LRP6: variants seen among roughly 807,000 people sequenced by gnomAD.
The protein encoded by LRP6 is low-density lipoprotein receptor-related protein 6.
In LRP6, 43 loss-of-function variants were observed where a neutral mutation model predicts 184.1. The observed-to-expected ratio is 0.23, with a 90% confidence interval of 0.18 to 0.30. The LOEUF (loss-of-function observed/expected upper bound fraction) is 0.30, where lower values mean the gene tolerates loss of function less well. Among genes scored for constraint, LRP6 ranks in the 10% least tolerant of loss-of-function variants. The pLI is 1.00. For synonymous variants in LRP6, 719 were observed against 684.9 expected, an observed-to-expected ratio of 1.05 and a Z score of -0.78; for missense variants, 1,571 against 2,005.3, an observed-to-expected ratio of 0.78 and a Z score of 4.14.
chr12:12,262,170 G>A (rs1311670187), intron 1 of LRP6, among the ~76,000 whole-genome samples: 1 of 152,166 alleles, frequency 6.6e-6, no homozygotes, highest in East Asian at 1.9e-4. Flanking sequence ...CTTGAGGTCA[G>A]GAGTTCAAGA....
intron 2 of LRP6, among the ~76,000 whole-genome samples, chr12:12,210,540 G>A (rs1864182249): frequency 6.6e-6 from 1 of 152,172 alleles, no homozygotes; most frequent in Non-Finnish European, 1.5e-5. Context: ...AACAGTCAAA[G>A]AAGTTGGTCT....
At chr12:12,144,563 C>T (rs1949976345) in intron 15 of LRP6, among the ~76,000 whole-genome samples, 1 of 152,158 alleles carries the variant, frequency 6.6e-6, no homozygotes, top group African/African-American at 2.4e-5. Context: ...ACTGTTTGAG[C>T]TAGGGAGTTT....
rs1865786419 is a variant in LRP6 at position 12,266,933 on chromosome 12, G to A, written c.-198C>T. On this transcript the variant is annotated 5_prime_UTR_variant, in exon 1 of 23. Coordinates refer to ENST00000261349, the MANE Select transcript of LRP6 (RefSeq NM_002336.3). ...TCTCTACCGCGCCGCTCGGCCCCGG[G>A]CTCGCGCGACGCCAGCGTCTGCTTC... The A allele has an allele frequency of 1.2e-5, 7 of 587,394 alleles. No homozygotes were observed. The highest frequency in any genetic ancestry group is 9.7e-5 in the Admixed American group (3 of 31,010). The allele number at this position is 587,394 out of a possible 1,614,324, so 36.4% of individuals were successfully genotyped here.
chr12:12,172,476 TGACAA>T (rs1255067070), intron 7 of LRP6, among the ~76,000 whole-genome samples: 2 of 152,176 alleles, frequency 1.3e-5, no homozygotes, highest in Non-Finnish European at 2.9e-5. Context: ...CAACTTCACT[TGACAA>T]GACAAGTTCA....
intron 2 of LRP6, among the ~76,000 whole-genome samples, chr12:12,235,598 C>A (rs888144276): frequency 6.6e-6 from 1 of 151,942 alleles, no homozygotes; most frequent in Non-Finnish European, 1.5e-5. Flanking sequence ...GGCATAGTGG[C>A]GCATGCCTGT....
At chr12:12,242,553 C>T (rs1865093547) in intron 2 of LRP6, among the ~76,000 whole-genome samples, 1 of 152,156 alleles carries the variant, frequency 6.6e-6, no homozygotes, top group Admixed American at 6.6e-5. Context: ...CCCTCTGAGC[C>T]TTACAAACTC....
At chr12:12,176,996 C>T (rs1863204782) in intron 7 of LRP6, among the ~76,000 whole-genome samples, 3 of 151,698 alleles carry the variant, frequency 2.0e-5, no homozygotes, top group Admixed American at 1.3e-4. Flanking sequence ...TACAGGTGCC[C>T]GCCACCACGC....
At chr12:12,242,409 G>C (rs1865089769) in intron 2 of LRP6, among the ~76,000 whole-genome samples, 1 of 152,134 alleles carries the variant, frequency 6.6e-6, no homozygotes. Context: ...CCTTACAGTG[G>C]TAAAATTGAA....
intron 1 of LRP6, among the ~76,000 whole-genome samples, chr12:12,254,499 G>C (rs1018912989): frequency 1.3e-5 from 2 of 152,098 alleles, no homozygotes; most frequent in Admixed American, 6.5e-5. Context: ...CTATGTTTTT[G>C]TAAACCGAAA....
chr12:12,138,635 A>T, intron 15 of LRP6, 101 bp from the exon 16 acceptor site: 1 of 1,312,858 alleles, frequency 7.6e-7, no homozygotes, highest in South Asian at 1.3e-5. Context: ...AGGTAGAGAA[A>T]AGAAAAAAAA....
rs770395806 is a variant in LRP6, at chr12:12,132,043, A to C, written c.3748T>G (p.Ser1250Ala). 11 of 1,613,382 alleles carry C rather than the reference A, an allele frequency of 6.8e-6. No individual in the cohort carries two copies. Among genetic ancestry groups the C allele is most frequent in the Non-Finnish European group, 6.8e-6 (8 of 1,179,390 alleles). ...GTGAAACAAGTAAACTGCTGAGGAG[A>C]ACATGTTGGAGGTTCTTCAAATGAA... The part of the protein sequence containing the change: ...ELSCGEPPTC[S>A]PQQFTCFTGE... Residue 1250 changes from serine to alanine, a missense_variant, in exon 18 of 23, where the codon TCT becomes GCT. This residue lies in a region of LRP6 where 763 missense variants were observed against 859.5 expected (regional missense o/e 0.89). Transcript: ENST00000261349.
At chr12:12,124,072 T>TA (rs35441977) in intron 22 of LRP6, among the ~76,000 whole-genome samples, 18,816 of 143,702 alleles carry the variant, frequency 0.13, 1,372 homozygotes, top group Middle Eastern at 0.24. Context: ...GTGACTCTCT[T>TA]AAAAAAAAAA....
intron 3 of LRP6, among the ~76,000 whole-genome samples, chr12:12,195,864 G>A (rs1292299602): frequency 6.6e-6 from 1 of 152,084 alleles, no homozygotes; most frequent in Non-Finnish European, 1.5e-5. Flanking sequence ...GTTGATTTTT[G>A]TATAAGGTGA....
chr12:12,211,478 G>A (rs1429671919), intron 2 of LRP6, among the ~76,000 whole-genome samples: 1 of 152,164 alleles, frequency 6.6e-6, no homozygotes, highest in Non-Finnish European at 1.5e-5. Flanking sequence ...AGATAGACAT[G>A]GTTTGGGACG....
chr12:12,179,806 A>C lies in LRP6; in HGVS notation c.1545+4T>G. 1.2e-6 allele frequency: 2 copies of C among 1,613,704 alleles called. No homozygotes were observed. Among genetic ancestry groups the C allele is most frequent in the South Asian group, 1.1e-5 (1 of 91,078 alleles). On this transcript the variant is annotated splice_donor_region_variant and intron_variant, in intron 7 of 22. Coordinates refer to ENST00000261349, the MANE Select transcript of LRP6 (RefSeq NM_002336.3). ...GCTTGAAAATGAAAAAGCAAAAAACAAACCTCAATCTTGTCTGTTTTGGCA... is the reference window on the plus strand; with the variant it reads ...GCTTGAAAATGAAAAAGCAAAAAACCAACCTCAATCTTGTCTGTTTTGGCA...
At chr12:12,252,319 G>A (rs757715594) in intron 1 of LRP6, among the ~76,000 whole-genome samples, 1 of 151,932 alleles carries the variant, frequency 6.6e-6, no homozygotes, top group African/African-American at 2.4e-5. Context: ...AACTGTCTTT[G>A]AGATTTCCCC....
chr12:12,186,390 T>C (rs1251980671), intron 4 of LRP6, among the ~76,000 whole-genome samples: 1 of 151,130 alleles, frequency 6.6e-6, no homozygotes, highest in Non-Finnish European at 1.5e-5. Flanking sequence ...ACATTTTCCC[T>C]TTTTTTTGAG....
In LRP6 at chr12:12,121,221, TCTC is replaced by T. The variant is rs1489490582; in HGVS notation, c.4744_4746del (p.Glu1582del). On this transcript the variant is annotated inframe_deletion, in exon 23 of 23. Transcript: ENST00000261349. Reference sequence around the variant, plus strand: ...GGAGAAGGTGGGCAGCTTTCATAGTTCTCCTCTGCTGACAAGTATTGGCTTCGG... The same window carrying T: ...GGAGAAGGTGGGCAGCTTTCATAGTTCTCTGCTGACAAGTATTGGCTTCGG... 1.2e-6 allele frequency: 2 copies of T among 1,614,078 alleles called. No individual in the cohort carries two copies. The highest frequency in any genetic ancestry group is 1.7e-6 in the Non-Finnish European group (2 of 1,180,016).
intron 2 of LRP6, among the ~76,000 whole-genome samples, chr12:12,235,730 CAA>C (rs1231537237): frequency 7.8e-6 from 1 of 128,654 alleles, no homozygotes; most frequent in Admixed American, 7.9e-5. Flanking sequence ...AACTCCGGCT[CAA>C]AAAAAAAAAG....
Sources: allele counts gnomAD v4.1 joint callset (sites outside exome capture counted in the v4.1 genomes callset), GRCh38; gene constraint gnomAD v4.1.1; regional missense constraint gnomAD v4.1.1; transcripts MANE v1.5; gene names NCBI Gene and HGNC (gene_info 2026-07-23, HGNC 2026-07-21).